CSMD1: variants seen among roughly 807,000 people sequenced by gnomAD.
CSMD1 encodes the protein CUB and sushi domain-containing protein 1.
In CSMD1, 213 loss-of-function variants were observed where a neutral mutation model predicts 417.5. That is an observed-to-expected ratio of 0.51 (90% CI 0.46 to 0.57). The LOEUF is 0.57. Among genes scored for constraint, CSMD1 ranks in the 20% least tolerant of loss-of-function variants. CSMD1 has a pLI of 0.00. For missense variants in CSMD1, 6,923 were observed against 4,529.7 expected (o/e 1.53, Z -15.17); for synonymous variants, 2,862 against 1,736.8 (o/e 1.65, Z -16.11).
intron 2 of CSMD1, among the ~76,000 whole-genome samples, chr8:4,425,809 T>C (rs1797516108): frequency 6.6e-6 from 1 of 152,156 alleles, no homozygotes; most frequent in East Asian, 1.9e-4. Flanking sequence ...TCATTCATAT[T>C]TGATGGTCCA....
In CSMD1 at chr8:3,727,559, T is replaced by C. The variant is rs896670604; in HGVS notation, c.932-19068A>G. ...CTGTCGTGAAAAAACAGTATGGAAGTTCCTCGAAAAAATACTAATAAAAAT... is the reference window on the plus strand; with the variant it reads ...CTGTCGTGAAAAAACAGTATGGAAGCTCCTCGAAAAAATACTAATAAAAAT... On this transcript the variant is annotated intron_variant, in intron 6 of 69. Transcript: ENST00000635120. Among the ~76,000 whole-genome samples, 8 of 152,176 alleles carry C rather than the reference T, an allele frequency of 5.3e-5. No homozygotes were observed. The South Asian group carries it at 1.2e-3, about 24-fold the overall frequency.
intron 2 of CSMD1, among the ~76,000 whole-genome samples, chr8:4,527,944 C>A (rs1796606193): frequency 6.6e-6 from 1 of 152,130 alleles, no homozygotes; most frequent in South Asian, 2.1e-4. Context: ...TGCTGACTGG[C>A]CCAGGGCACT....
chr8:4,282,357 G>A (rs962321741), intron 3 of CSMD1, among the ~76,000 whole-genome samples: 19 of 152,150 alleles, frequency 1.2e-4, no homozygotes, highest in African/African-American at 4.3e-4. Context: ...CTGGCCACTG[G>A]ACAAGAGGGC....
chr8:4,853,836 C>G (rs963440009), intron 1 of CSMD1, among the ~76,000 whole-genome samples: 1 of 152,186 alleles, frequency 6.6e-6, no homozygotes, highest in African/African-American at 2.4e-5. Flanking sequence ...GGAGCCCACT[C>G]CTTGCAGTAG....
intron 50 of CSMD1, among the ~76,000 whole-genome samples, chr8:3,036,741 T>C (rs952850889): frequency 6.6e-6 from 1 of 152,170 alleles, no homozygotes; most frequent in Non-Finnish European, 1.5e-5. Flanking sequence ...TTTCATACCA[T>C]CGAATTTCAA....
intron 1 of CSMD1, among the ~76,000 whole-genome samples, chr8:4,777,276 T>C (rs1563357680): frequency 6.6e-6 from 1 of 152,166 alleles, no homozygotes; most frequent in Non-Finnish European, 1.5e-5. Context: ...CGAGAAACAA[T>C]TAAGTCTAAT....
At chr8:3,944,422 A>T (rs1811088760) in intron 5 of CSMD1, among the ~76,000 whole-genome samples, 1 of 152,110 alleles carries the variant, frequency 6.6e-6, no homozygotes, top group South Asian at 2.1e-4. Context: ...ATTCTTCTTC[A>T]TATTCAACTG....
intron 7 of CSMD1, among the ~76,000 whole-genome samples, chr8:3,618,059 T>C (rs1016291488): frequency 6.6e-6 from 1 of 152,124 alleles, no homozygotes; most frequent in Non-Finnish European, 1.5e-5. Flanking sequence ...GGGAGTGCAG[T>C]GGCACAATCA....
intron 25 of CSMD1, among the ~76,000 whole-genome samples, chr8:3,286,737 G>A (rs1244237230): frequency 6.6e-6 from 1 of 152,050 alleles, no homozygotes; most frequent in Non-Finnish European, 1.5e-5. Flanking sequence ...TTTGTCAGAT[G>A]AGTAGATTGC....
At chr8:3,655,658 CG>C (rs1429177645) in intron 7 of CSMD1, among the ~76,000 whole-genome samples, 1 of 80,446 alleles carries the variant, frequency 1.2e-5, no homozygotes, top group African/African-American at 4.5e-5. Flanking sequence ...ATGGAGGTTG[CG>C]TTTTTTTTTT....
chr8:3,863,653 T>C (rs1804883936), intron 5 of CSMD1, among the ~76,000 whole-genome samples: 1 of 152,186 alleles, frequency 6.6e-6, no homozygotes, highest in Non-Finnish European at 1.5e-5. Context: ...TTACAAATAT[T>C]CTAACACACA....
At chr8:4,538,624 C>G (rs919164149) in intron 2 of CSMD1, among the ~76,000 whole-genome samples, 1 of 151,576 alleles carries the variant, frequency 6.6e-6, no homozygotes, top group Non-Finnish European at 1.5e-5. Context: ...GTATGGACCA[C>G]AAAGGAAGAC....
chr8:4,799,465 G>A (rs1798158745), intron 1 of CSMD1, among the ~76,000 whole-genome samples: 1 of 151,700 alleles, frequency 6.6e-6, no homozygotes, highest in Non-Finnish European at 1.5e-5. Flanking sequence ...GGCGCGTAAT[G>A]GTGTGTGCCT....
intron 5 of CSMD1, among the ~76,000 whole-genome samples, chr8:3,866,340 T>G (rs1175978434): frequency 6.6e-6 from 1 of 152,236 alleles, no homozygotes; most frequent in African/African-American, 2.4e-5. Flanking sequence ...GATTGGCATT[T>G]CTGTCCTTTT....
chr8:3,831,251 T>C (rs927026677), intron 5 of CSMD1, among the ~76,000 whole-genome samples: 6 of 152,164 alleles, frequency 3.9e-5, no homozygotes, highest in Non-Finnish European at 8.8e-5. Flanking sequence ...TTTGAGAGAA[T>C]ACTGCTCTTA....
At position 4,910,455 on chromosome 8, in the gene CSMD1, G is replaced by C. The variant is rs187970261; in HGVS notation, c.85+83877C>G. On this transcript the variant is annotated intron_variant, in intron 1 of 69. Transcript: ENST00000635120. Reference sequence around the variant, plus strand: ...AAGTCCAGGATCAAGTTATTAGCGGGTTTGTCCTCTGATGCAGGGTCTTGC... The same window carrying C: ...AAGTCCAGGATCAAGTTATTAGCGGCTTTGTCCTCTGATGCAGGGTCTTGC... 3.3e-4 allele frequency among the ~76,000 whole-genome samples: 51 copies of C among 152,288 alleles called. 2 individuals are homozygous for C. In the South Asian group the frequency reaches 8.7e-3, roughly 26 times the overall value.
chr8:4,433,320 C>A (rs1006636540), intron 2 of CSMD1, among the ~76,000 whole-genome samples: 1 of 152,126 alleles, frequency 6.6e-6, no homozygotes, highest in Non-Finnish European at 1.5e-5. Context: ...GAAACTGGTC[C>A]CTGGCACCAG....
At chr8:4,785,782 TTATAAGA>T (rs1339899748) in intron 1 of CSMD1, among the ~76,000 whole-genome samples, 7 of 152,192 alleles carry the variant, frequency 4.6e-5, no homozygotes, top group South Asian at 2.1e-4. Flanking sequence ...CCCGGGAACC[TTATAAGA>T]TATAAGTGTT....
intron 27 of CSMD1, among the ~76,000 whole-genome samples, chr8:3,224,368 A>C (rs1171599144): frequency 6.6e-6 from 1 of 152,198 alleles, no homozygotes; most frequent in Non-Finnish European, 1.5e-5. Context: ...GCTCCTGTTC[A>C]TTGTTTTATC....
Sources: gnomAD v4.1 joint callset for allele counts (sites outside exome capture counted in the v4.1 genomes callset) on GRCh38, gnomAD v4.1.1 for gene constraint, MANE v1.5 for transcripts, NCBI Gene and HGNC (gene_info 2026-07-23, HGNC 2026-07-21) for gene names.